The following BRCA2 variants were observed in gnomAD, a reference collection of about 807,000 sequenced individuals.
BRCA2 encodes the protein breast cancer type 2 susceptibility protein.
In BRCA2, 203 loss-of-function variants were observed where a neutral mutation model predicts 276.7. The observed-to-expected ratio is 0.73, with a 90% CI of 0.65 to 0.82. BRCA2 has a LOEUF of 0.82. BRCA2 is among the 40% of genes least tolerant of loss of function. The pLI is 0.00. For missense variants in BRCA2, 3,920 were observed against 3,915.0 expected (o/e 1.00, Z -0.03); for synonymous variants, 1,289 against 1,338.4 (o/e 0.96, Z 0.81).
intron 7 of BRCA2, among the ~76,000 whole-genome samples, chr13:32,327,883 C>G (rs1454366778): frequency 6.6e-6 from 1 of 151,398 alleles, no homozygotes; most frequent in Non-Finnish European, 1.5e-5. Context: ...ATCTTTCTTC[C>G]TCTTAGCCTT....
At chr13:32,342,260 G>A (rs185175417) in intron 11 of BRCA2, among the ~76,000 whole-genome samples, 26 of 120,954 alleles carry the variant, frequency 2.1e-4, no homozygotes, top group Non-Finnish European at 3.7e-4. Context: ...GCAACAGAGC[G>A]AGACTGTCTC....
chr13:32,365,260 C>T (rs2072773319), intron 18 of BRCA2, among the ~76,000 whole-genome samples: 5 of 151,686 alleles, frequency 3.3e-5, no homozygotes, highest in Middle Eastern at 3.4e-3. Flanking sequence ...CTTTAGCCTC[C>T]GAGAGTGCTG....
At chr13:32,336,234 T>C in intron 10 of BRCA2, 31 bp from the exon 11 acceptor site, 1 of 1,585,728 alleles carries the variant, frequency 6.3e-7, no homozygotes, top group Non-Finnish European at 8.6e-7. Context: ...GATGGTACTT[T>C]AATTTTGTCA....
rs752402938 is a variant in BRCA2 at position 32,339,080 on chromosome 13, C to T, written c.4725C>T (p.Asp1575=). The part of the protein sequence containing the change: ...KTLKYREACK[D]LELACETIEI... ...TAAAGTACAGAGAGGCCTGTAAAGA[C>T]CTTGAATTAGCATGTGAGACCATTG... The change falls in exon 11 of 27, where the codon GAC becomes GAT. Residue 1575 remains aspartate, a synonymous_variant. Transcript: ENST00000380152. The T allele has an allele frequency of 1.5e-5, 24 of 1,613,844 alleles. No individual in the cohort carries two copies. The highest frequency in any genetic ancestry group is 1.9e-5 in the Non-Finnish European group (23 of 1,179,930).
intron 7 of BRCA2, among the ~76,000 whole-genome samples, chr13:32,327,425 T>G (rs1417782416): frequency 6.6e-6 from 1 of 150,942 alleles, no homozygotes; most frequent in African/African-American, 2.4e-5. Flanking sequence ...CCAGCCTGGG[T>G]GACAGGGAGG....
At chr13:32,377,726 A>G (rs534379595) in intron 21 of BRCA2, among the ~76,000 whole-genome samples, 3 of 152,178 alleles carry the variant, frequency 2.0e-5, no homozygotes, top group Non-Finnish European at 4.4e-5. Flanking sequence ...CTACCTCCTA[A>G]ATTTTTAGAC....
intron 11 of BRCA2, among the ~76,000 whole-genome samples, chr13:32,343,248 A>G (rs1372723744): frequency 1.3e-5 from 2 of 152,166 alleles, no homozygotes; most frequent in African/African-American, 2.4e-5. Flanking sequence ...ACTGGTAATA[A>G]TCTTAAATAA....
At chr13:32,379,662 A>G in intron 22 of BRCA2, 88 bp from the exon 23 acceptor site, 4 of 1,531,578 alleles carry the variant, frequency 2.6e-6, no homozygotes, top group Admixed American at 3.4e-5. Flanking sequence ...AAGAGATAAT[A>G]TAAAAGAGGA....
At chr13:32,381,684 G>A (rs995069392) in intron 24 of BRCA2, among the ~76,000 whole-genome samples, 4 of 152,154 alleles carry the variant, frequency 2.6e-5, no homozygotes, top group Admixed American at 2.6e-4. Flanking sequence ...ATGACAGGAA[G>A]TCACAGGAAA....
intron 15 of BRCA2, among the ~76,000 whole-genome samples, 176 bp downstream of exon 15, chr13:32,356,785 G>A (rs529585844): frequency 1.0e-3 from 159 of 152,274 alleles, no homozygotes; most frequent in African/African-American, 3.6e-3. Context: ...CCCTTGCTAG[G>A]CCTGCCTCAT....
chr13:32,340,722 G>GA lies in BRCA2; in HGVS notation c.6373dup (p.Thr2125AsnfsTer4), dbSNP rs80359577. 1.2e-6 allele frequency: 2 copies of GA among 1,605,478 alleles called. No homozygotes were observed. The highest frequency in any genetic ancestry group is 1.7e-6 in the Non-Finnish European group (2 of 1,178,052). ...AGAGCACTGTGTAAACTCAGAAATGGAAAAAACCTGCAGTAAAGAATTTAA... is the reference window on the plus strand; with the variant it reads ...AGAGCACTGTGTAAACTCAGAAATGGAAAAAAACCTGCAGTAAAGAATTTAA... On this transcript the variant is annotated frameshift_variant, in exon 11 of 27. Coordinates refer to ENST00000380152, the MANE Select transcript of BRCA2 (RefSeq NM_000059.4). LOFTEE classifies it high-confidence loss of function.
intron 13 of BRCA2, among the ~76,000 whole-genome samples, chr13:32,348,528 A>G (rs1283348568): frequency 6.6e-6 from 1 of 152,206 alleles, no homozygotes; most frequent in African/African-American, 2.4e-5. Context: ...AGAAGACTGT[A>G]GATCTTATAT....
chr13:32,374,697 G>A (rs752081021), intron 20 of BRCA2, among the ~76,000 whole-genome samples: 1 of 152,146 alleles, frequency 6.6e-6, no homozygotes, highest in African/African-American at 2.4e-5. Context: ...CCACATCACT[G>A]TCAGAATTTT....
At position 32,340,124 on chromosome 13, in the gene BRCA2, C is replaced by T. The variant is rs863224309; in HGVS notation, c.5769C>T (p.Asp1923=). 2 of 1,613,358 alleles carry T rather than the reference C, an allele frequency of 1.2e-6. No individual in the cohort carries two copies. The highest frequency in any genetic ancestry group is 1.7e-6 in the Non-Finnish European group (2 of 1,179,656). The change falls in exon 11 of 27, where the codon GAC becomes GAT. Residue 1923 remains aspartate, a synonymous_variant. Coordinates refer to ENST00000380152, the MANE Select transcript of BRCA2 (RefSeq NM_000059.4). ...CSTHSHKVFA[D]IQSEEILQHN... ...CGCATTCACATAAGGTTTTTGCTGA[C>T]ATTCAGAGTGAAGAAATTTTACAAC...
rs370591460 is a variant in BRCA2, at chr13:32,339,380, T to C, written c.5025T>C (p.Cys1675=). 8.8e-6 allele frequency: 14 copies of C among 1,595,426 alleles called. No individual in the cohort carries two copies. Among genetic ancestry groups the C allele is most frequent in the Non-Finnish European group, 1.2e-5 (14 of 1,172,162 alleles). The change falls in exon 11 of 27, where the codon TGT becomes TGC. Residue 1675 remains cysteine (C), a synonymous_variant. Transcript: ENST00000380152. Reference sequence around the variant, plus strand: ...CAGCCTTAGCTTTTTACACAAGTTGTAGTAGAAAAACTTCTGTGAGTCAGA... The same window carrying C: ...CAGCCTTAGCTTTTTACACAAGTTGCAGTAGAAAAACTTCTGTGAGTCAGA... The part of the protein sequence containing the change: ...ENSALAFYTS[C]SRKTSVSQTS...
intron 8 of BRCA2, 152 bp downstream of exon 8, chr13:32,329,644 A>C: frequency 1.5e-6 from 1 of 668,264 alleles, no homozygotes; most frequent in South Asian, 1.9e-5. Flanking sequence ...ATGTGATTTT[A>C]ACTTCCTGTG....
chr13:32,357,994 A>G lies in BRCA2; in HGVS notation c.7805+65A>G. ...TTCCCTCATCCCTCTTTCTTCTCTT[A>G]ACTGTCTCTCGAACTAAAAAGTTGG... On this transcript the variant is annotated intron_variant, in intron 16 of 26. Coordinates refer to ENST00000380152, the MANE Select transcript of BRCA2 (RefSeq NM_000059.4). 1.9e-6 allele frequency: 3 copies of G among 1,554,282 alleles called. No homozygotes were observed. The South Asian group carries it at 3.4e-5, about 18-fold the overall frequency.
At position 32,362,672 on chromosome 13, in the gene BRCA2, T is replaced by G. The variant is rs1555286868; in HGVS notation, c.7955T>G (p.Val2652Gly). Reference sequence around the variant, plus strand: ...AATAGATGCCTAAGCCCAGAAAGGGTGCTTCTTCAACTAAAATACAGGCAA... The same window carrying G: ...AATAGATGCCTAAGCCCAGAAAGGGGGCTTCTTCAACTAAAATACAGGCAA... The part of the protein sequence containing the change: ...FANRCLSPER[V>G]LLQLKYRYDT... Residue 2652 changes from valine to glycine, a missense_variant, in exon 17 of 27, where the codon GTG becomes GGG. By Grantham distance (109) the Val-to-Gly change is moderately radical. Coordinates refer to ENST00000380152, the MANE Select transcript of BRCA2 (RefSeq NM_000059.4). 6.2e-7 allele frequency: 1 copy of G among 1,614,144 alleles called. No homozygotes were observed. The highest frequency in any genetic ancestry group is 2.2e-5 in the East Asian group (1 of 44,872).
chr13:32,358,242 G>A (rs112315239), intron 16 of BRCA2, among the ~76,000 whole-genome samples: 30 of 152,164 alleles, frequency 2.0e-4, no homozygotes, highest in Admixed American at 1.2e-3. Context: ...TTGGGAGGCC[G>A]AGGCGGGTAG....
Sources: gnomAD v4.1 joint callset for allele counts (sites outside exome capture counted in the v4.1 genomes callset) on GRCh38, gnomAD v4.1.1 for gene constraint, MANE v1.5 for transcripts, NCBI Gene and HGNC (gene_info 2026-07-23, HGNC 2026-07-21) for gene names.